Variants in WEE1 observed in about 807,000 individuals in gnomAD.
The protein encoded by WEE1 is wee1-like protein kinase.
A neutral mutation model predicts 68.8 loss-of-function variants in WEE1; 16 were observed. The observed-to-expected ratio is 0.23, with a 90% CI of 0.16 to 0.35. The LOEUF is 0.35. Among genes scored for constraint, WEE1 ranks in the 10% least tolerant of loss-of-function variants. The probability of loss-of-function intolerance (pLI) is 1.00; values close to 1 mark genes in which losing one functional copy is unlikely to be tolerated. For synonymous variants in WEE1, 349 were observed against 318.7 expected (o/e 1.09, Z -1.01); for missense variants, 651 against 824.1 (o/e 0.79, Z 2.57).
rs1425484613 is a variant in WEE1, at chr11:9,581,313, T to C, written c.1142-219T>C. ...ACAGGTGGATTGCTGAGGTGTATGA[T>C]TGAGAGAGAGACTTTACATTTTATT... is the stretch of plus-strand genomic sequence containing the variant. On this transcript the variant is annotated intron_variant, in intron 5 of 10. Transcript: ENST00000450114. The C allele has an allele frequency of 1.3e-5, 6 of 472,064 alleles. No individual in the cohort carries two copies. The South Asian group carries it at 1.7e-4, about 13-fold the overall frequency. 29.2% of individuals were successfully genotyped at this position (472,064 alleles called of 1,614,324 possible). A position where few individuals can be genotyped will look rare whatever the true frequency, so the allele number is the denominator to read the frequency against.
chr11:9,583,934 C>T (rs187898341), intron 6 of WEE1, among the ~76,000 whole-genome samples: 116 of 148,478 alleles, frequency 7.8e-4, no homozygotes, highest in African/African-American at 2.6e-3. Flanking sequence ...CAACCTCTGC[C>T]TCCTGGGTTC....
At position 9,576,101 on chromosome 11, in the gene WEE1, G is replaced by T; in HGVS notation, c.782+8G>T. On this transcript the variant is annotated splice_region_variant and intron_variant, in intron 2 of 10. Transcript: ENST00000450114. This position sits in a 1 kb window ranked among gnomAD's most constrained non-coding sequence, Gnocchi z 4.3. ...GAGAACGTATTGGAATGAGTAAGTCGTTTATTTAACAGTTTGGTTCTCCAA... is the reference window on the plus strand; with the variant it reads ...GAGAACGTATTGGAATGAGTAAGTCTTTTATTTAACAGTTTGGTTCTCCAA... The T allele has an allele frequency of 6.2e-7, 1 of 1,613,704 alleles. No homozygotes were observed. Among genetic ancestry groups the T allele is most frequent in the Non-Finnish European group, 8.5e-7 (1 of 1,179,738 alleles).
intron 9 of WEE1, 21 bp from the exon 10 acceptor site, chr11:9,586,690 C>T: frequency 6.2e-7 from 1 of 1,610,900 alleles, no homozygotes; most frequent in African/African-American, 1.3e-5. Flanking sequence ...TCTTTACCTT[C>T]ATTTTACTTT....
At position 9,588,553 on chromosome 11, in the gene WEE1, G is replaced by A. The variant is rs1239031645; in HGVS notation, c.1892G>A (p.Arg631Gln). The change falls in exon 11 of 11, where the codon CGA (arginine) becomes CAA (glutamine). Residue 631 changes from arginine to glutamine, a missense_variant. Around this residue, in one of 5 missense-constraint regions of WEE1, gnomAD observed 115 missense variants for 142.7 expected, o/e 0.81. Coordinates refer to ENST00000450114, the MANE Select transcript of WEE1 (RefSeq NM_003390.4). ...RSTTQSNRTS[R>Q]LIGKKMNRSV... Reference sequence around the variant, plus strand: ...ACCACCCAGAGTAATAGAACATCTCGACTTATTGGAAAGAAAATGAACCGC... The same window carrying A: ...ACCACCCAGAGTAATAGAACATCTCAACTTATTGGAAAGAAAATGAACCGC... 7 of 1,610,318 alleles carry A rather than the reference G, an allele frequency of 4.3e-6. No individual in the cohort carries two copies. Among genetic ancestry groups the A allele is most frequent in the Non-Finnish European group, 5.9e-6 (7 of 1,179,124 alleles).
chr11:9,588,721 G>C lies in WEE1; in HGVS notation c.*119G>C. The C allele has an allele frequency of 7.3e-6, 10 of 1,371,158 alleles. No individual in the cohort carries two copies. Among genetic ancestry groups the C allele is most frequent in the Non-Finnish European group, 9.4e-6 (10 of 1,061,688 alleles). The allele number at this position is 1,371,158 out of a possible 1,614,324, so 84.9% of individuals were successfully genotyped here. On this transcript the variant is annotated 3_prime_UTR_variant, in exon 11 of 11. Transcript: ENST00000450114. The stretch of plus-strand genomic sequence containing the variant: ...TGGTGTCAGTAGTTTTACTGATTAG[G>C]ACTTTTATTGTGAATTACAGTTGAA...
rs529034907 is a variant in WEE1 at position 9,586,294 on chromosome 11, T to G, written c.1471-155T>G. Among the ~76,000 whole-genome samples, 17 of 152,354 alleles carry G rather than the reference T, an allele frequency of 1.1e-4. No homozygotes were observed. The South Asian group carries it at 3.3e-3, about 30-fold the overall frequency. The stretch of plus-strand genomic sequence containing the variant: ...AATTTAAAAAATAAACATCCTCAAA[T>G]TTAGCAGTTTATTCTCTGAATAGGT... On this transcript the variant is annotated intron_variant, in intron 8 of 10. Transcript: ENST00000450114.
intron 1 of WEE1, chr11:9,575,318 C>T (rs1327121048): frequency 1.0e-6 from 1 of 987,742 alleles, no homozygotes; most frequent in Non-Finnish European, 1.2e-6. Flanking sequence ...CTGATACTTC[C>T]AGAGATTAAG....
Position 9,575,884 on chromosome 11 carries a change from C to T in WEE1, c.577-4C>T, listed in dbSNP as rs1351310890. 4 of 1,613,654 alleles carry T rather than the reference C, an allele frequency of 2.5e-6. No individual in the cohort carries two copies. The highest frequency in any genetic ancestry group is 1.7e-5 in the Admixed American group (1 of 59,982). On this transcript the variant is annotated splice_region_variant and splice_polypyrimidine_tract_variant and intron_variant, in intron 1 of 10. Coordinates refer to ENST00000450114, the MANE Select transcript of WEE1 (RefSeq NM_003390.4). Reference sequence around the variant, plus strand: ...AAATTGTATTTGTATTTTTCTTTCCCTAGAGTTTGCTCTCCAAAGCTCGGG... The same window carrying T: ...AAATTGTATTTGTATTTTTCTTTCCTTAGAGTTTGCTCTCCAAAGCTCGGG...
intron 10 of WEE1, 103 bp downstream of exon 10, chr11:9,586,959 G>GT: frequency 1.5e-6 from 2 of 1,295,126 alleles, no homozygotes; most frequent in Non-Finnish European, 1.0e-6. Context: ...GGATGTAGTG[G>GT]TTTTTTGTGT....
chr11:9,588,535 A>G lies in WEE1; in HGVS notation c.1874A>G (p.Gln625Arg). 6.2e-7 allele frequency: 1 copy of G among 1,612,522 alleles called. No homozygotes were observed. Reference sequence around the variant, plus strand: ...CGGATGGCCACTAGGTCCACCACCCAGAGTAATAGAACATCTCGACTTATT... The same window carrying G: ...CGGATGGCCACTAGGTCCACCACCCGGAGTAATAGAACATCTCGACTTATT... Reference protein sequence around the residue: ...TDRMATRSTTQSNRTSRLIGK... With the variant: ...TDRMATRSTTRSNRTSRLIGK... The change falls in exon 11 of 11, where the codon CAG becomes CGG. Residue 625 changes from glutamine (Q) to arginine (R), a missense_variant. This residue lies in a region of WEE1 where 115 missense variants were observed against 142.7 expected (regional missense o/e 0.81). Transcript: ENST00000450114.
Position 9,574,372 on chromosome 11 carries a change from G to A in WEE1, c.439G>A (p.Gly147Arg). The change falls in exon 1 of 11, where the codon GGA (glycine) becomes AGA (arginine). Residue 147 changes from glycine (G) to arginine (R), a missense_variant. By Grantham distance (125) the Gly-to-Arg change is moderately radical. Transcript: ENST00000450114. The surrounding 1 kb of genome is among the most constrained non-coding windows in gnomAD (Gnocchi z 4.9). ...CTCGCCGGTGCGCTGCGGCGGCCCA[G>A]GAGATGCGTCGCCGCGGGGTTGCGG... ...SFSPVRCGGP[G>R]DASPRGCGAR... is the part of the protein sequence containing the mutation. 1.6e-6 allele frequency: 2 copies of A among 1,227,998 alleles called. No homozygotes were observed. Among genetic ancestry groups the A allele is most frequent in the Non-Finnish European group, 2.0e-6 (2 of 987,414 alleles). The allele number at this position is 1,227,998 out of a possible 1,614,324, so 76.1% of individuals were successfully genotyped here. A position where few individuals can be genotyped will look rare whatever the true frequency, so the allele number is the denominator to read the frequency against.
chr11:9,580,387 A>C (rs896857187), intron 5 of WEE1: 3 of 152,122 alleles, frequency 2.0e-5, no homozygotes, highest in Admixed American at 1.3e-4. Context: ...CATAGTATGT[A>C]ATAGCAAAGG....
chr11:9,575,215 G>C (rs982605348), intron 1 of WEE1: 20 of 985,438 alleles, frequency 2.0e-5, no homozygotes, highest in Non-Finnish European at 2.3e-5. Context: ...CCGTAGATAA[G>C]GTATCTTAAA....
intron 6 of WEE1, among the ~76,000 whole-genome samples, chr11:9,581,989 G>T (rs991973354): frequency 1.8e-4 from 27 of 152,202 alleles, no homozygotes; most frequent in African/African-American, 6.5e-4. Context: ...TCAGTCTTCC[G>T]AGTAGCCGGG....
Position 9,588,189 on chromosome 11 carries a change from T to C in WEE1, c.1788-260T>C, listed in dbSNP as rs1045645036. Among the ~76,000 whole-genome samples the C allele has an allele frequency of 7.9e-5, 12 of 152,178 alleles. No individual in the cohort carries two copies. In the South Asian group the frequency reaches 2.5e-3, roughly 31 times the overall value. ...GTCACCACATCCAGCTCAAATTATT[T>C]TATAAGAACCAAAGTCATTACTAGC... On this transcript the variant is annotated intron_variant, in intron 10 of 10. Transcript: ENST00000450114.
chr11:9,574,295 C>G lies in WEE1; in HGVS notation c.362C>G (p.Ser121Cys), dbSNP rs1849539055. 2.4e-6 allele frequency: 3 copies of G among 1,260,630 alleles called. No homozygotes were observed. The highest frequency in any genetic ancestry group is 2.0e-6 in the Non-Finnish European group (2 of 1,002,574). The allele number at this position is 1,260,630 out of a possible 1,614,324, so 78.1% of individuals were successfully genotyped here. A position where few individuals can be genotyped will look rare whatever the true frequency, so the allele number is the denominator to read the frequency against. The change falls in exon 1 of 11, where the codon TCC becomes TGC. Residue 121 changes from serine to cysteine, a missense_variant. Transcript: ENST00000450114. This position sits in a 1 kb window ranked among gnomAD's most constrained non-coding sequence, Gnocchi z 4.9. ...GDSWEEEGFG[S>C]SSPVKSPAAP... ...TCGTGGGAGGAGGAGGGCTTCGGCT[C>G]CTCGTCGCCGGTCAAGTCGCCGGCG...
Position 9,577,185 on chromosome 11 carries a change from C to T in WEE1, c.1063C>T (p.Gln355Ter). The T allele has an allele frequency of 6.2e-7, 1 of 1,613,898 alleles. No homozygotes were observed. The highest frequency in any genetic ancestry group is 8.5e-7 in the Non-Finnish European group (1 of 1,179,836). The change falls in exon 5 of 11, where the codon CAG becomes TAG. Residue 355 changes from glutamine (Q) to a stop codon, truncating the protein, a stop_gained. Coordinates refer to ENST00000450114, the MANE Select transcript of WEE1 (RefSeq NM_003390.4). LOFTEE classifies it high-confidence loss of function. ...AGTATATGCTCATGCAGTGCTTGGA[C>T]AGCATTCTCATGTAGTTCGATATTT... ...REVYAHAVLG[Q>*]HSHVVRYFSA...
rs1461487296 is a variant in WEE1 at position 9,574,163 on chromosome 11, G to A, written c.230G>A (p.Arg77His). Residue 77 changes from arginine to histidine, a missense_variant, in exon 1 of 11, where the codon CGC (arginine) becomes CAC (histidine). By Grantham distance (29) the Arg-to-His change is conservative. This residue lies in a region of WEE1 where 395 missense variants were observed against 378.4 expected (regional missense o/e 1.04). Coordinates refer to ENST00000450114, the MANE Select transcript of WEE1 (RefSeq NM_003390.4). This position sits in a 1 kb window ranked among gnomAD's most constrained non-coding sequence, Gnocchi z 4.9. ...ACGGAGCCCGGGCCCGAGCGCCGCCGCTCGCCCGGGCCGGCCCCCGGCAGC... is the reference window on the plus strand; with the variant it reads ...ACGGAGCCCGGGCCCGAGCGCCGCCACTCGCCCGGGCCGGCCCCCGGCAGC... ...SPTEPGPERR[R>H]SPGPAPGSPG... is the part of the protein sequence containing the mutation. The A allele has an allele frequency of 8.4e-7, 1 of 1,184,948 alleles. No homozygotes were observed. The highest frequency in any genetic ancestry group is 1.0e-6 in the Non-Finnish European group (1 of 958,674). The allele number at this position is 1,184,948 out of a possible 1,614,324, so 73.4% of individuals were successfully genotyped here.
chr11:9,586,681 CT>C, intron 9 of WEE1, 29 bp from the exon 10 acceptor site: 1 of 1,611,150 alleles, frequency 6.2e-7, no homozygotes, highest in Non-Finnish European at 8.5e-7. Context: ...AAATGCATGT[CT>C]TTACCTTCAT....
Sources: gnomAD v4.1 joint callset for allele counts (sites outside exome capture counted in the v4.1 genomes callset) on GRCh38, gnomAD v4.1.1 for gene constraint, gnomAD v4.1.1 regional missense constraint, Gnocchi (gnomAD v3.1) non-coding constraint, MANE v1.5 for transcripts, NCBI Gene and HGNC (gene_info 2026-07-23, HGNC 2026-07-21) for gene names.